The following TBC1D23 variants were observed in gnomAD, a reference collection of about 807,000 sequenced individuals.
The protein encoded by TBC1D23 is HCV non-structural protein 4A-transactivated protein 1.
Under a neutral mutation model 91.4 loss-of-function variants are expected in TBC1D23, and 55 were observed. That is an observed-to-expected ratio of 0.60 (90% CI 0.48 to 0.75). TBC1D23 has a LOEUF of 0.75. Ranked by LOEUF, TBC1D23 falls within the 30% of genes least tolerant of loss-of-function variation. TBC1D23 has a pLI of 0.00. For missense variants in TBC1D23, 725 were observed against 836.1 expected (o/e 0.87, Z 1.64); for synonymous variants, 289 against 281.0 (o/e 1.03, Z -0.28).
At chr3:100,279,433 A>G (rs1576163043) in intron 1 of TBC1D23, 1 of 362,042 alleles carries the variant, frequency 2.8e-6, no homozygotes, top group East Asian at 4.3e-5. Flanking sequence ...CTAGGAAAAG[A>G]CAACCAAACT....
In TBC1D23 at chr3:100,290,641, T is replaced by C. The variant is rs1434281430; in HGVS notation, c.540T>C (p.Pro180=). 6.2e-7 allele frequency: 1 copy of C among 1,613,044 alleles called. No individual in the cohort carries two copies. The highest frequency in any genetic ancestry group is 1.1e-5 in the South Asian group (1 of 91,056). ...GGTTGCTCATCCAATACCATGAGCC[T>C]GAGCTTTGTTCTTATCTTGATACAA... The part of the protein sequence containing the change: ...LFRLLIQYHE[P]ELCSYLDTKK... Residue 180 remains proline (P), a synonymous_variant, in exon 5 of 19, where the codon CCT becomes CCC. Transcript: ENST00000394144.
At chr3:100,279,295 T>C (rs961825667) in intron 1 of TBC1D23, 1 of 168,274 alleles carries the variant, frequency 5.9e-6, no homozygotes, top group Non-Finnish European at 1.3e-5. Flanking sequence ...ACACATAAAA[T>C]GTTTGAAATA....
At chr3:100,314,041 TTGAGGAATGTTATTTTGGAAGAAG>T (rs143383489) in intron 15 of TBC1D23, among the ~76,000 whole-genome samples, 38,031 of 150,238 alleles carry the variant, frequency 0.25, 5,215 homozygotes, top group Non-Finnish European at 0.31. Flanking sequence ...ATTATATTTA[TTGAGGAATGTTATTTTGGAAGAAG>T]TAAATCAACA....
At chr3:100,287,193 A>T (rs867093577) in intron 4 of TBC1D23, among the ~76,000 whole-genome samples, 1 of 151,708 alleles carries the variant, frequency 6.6e-6, no homozygotes, top group Non-Finnish European at 1.5e-5. Context: ...GCTCACTGCC[A>T]CCTCCATCTC....
In TBC1D23 at chr3:100,323,029, A is replaced by G. The variant is rs549673521; in HGVS notation, c.2019-558A>G. 6.6e-5 allele frequency among the ~76,000 whole-genome samples: 10 copies of G among 152,320 alleles called. No individual in the cohort carries two copies. The South Asian group carries it at 1.4e-3, about 22-fold the overall frequency. On this transcript the variant is annotated intron_variant, in intron 18 of 18. Coordinates refer to ENST00000394144, the MANE Select transcript of TBC1D23 (RefSeq NM_001199198.3). ...GTTGATATTTTGCAATAGTTATCATAAGTCTTATCTTTTTTAAATATTTCA... is the reference window on the plus strand; with the variant it reads ...GTTGATATTTTGCAATAGTTATCATGAGTCTTATCTTTTTTAAATATTTCA...
chr3:100,261,396 G>T (rs989388444), intron 1 of TBC1D23: 1 of 397,660 alleles, frequency 2.5e-6, no homozygotes, highest in South Asian at 3.6e-5. Context: ...CTGGCTGTGG[G>T]AGTTGGAGTA....
At chr3:100,278,719 A>G (rs1386821096) in intron 1 of TBC1D23, among the ~76,000 whole-genome samples, 1 of 152,222 alleles carries the variant, frequency 6.6e-6, no homozygotes, top group African/African-American at 2.4e-5. Flanking sequence ...TTCTGGCTAG[A>G]AAACAATGTA....
intron 15 of TBC1D23, 35 bp downstream of exon 15, chr3:100,311,912 T>C (rs1465588176): frequency 1.4e-6 from 2 of 1,431,770 alleles, no homozygotes; most frequent in African/African-American, 2.8e-5. Flanking sequence ...TCTTGAACCA[T>C]CCTTTTCCTT....
At chr3:100,286,209 A>G (rs2067740630) in intron 4 of TBC1D23, among the ~76,000 whole-genome samples, 2 of 152,228 alleles carry the variant, frequency 1.3e-5, no homozygotes, top group South Asian at 2.1e-4. Flanking sequence ...AGGTCTCTCA[A>G]CTGCCTATAT....
At chr3:100,292,961 G>A (rs967608) in intron 5 of TBC1D23, among the ~76,000 whole-genome samples, 77,524 of 151,544 alleles carry the variant, frequency 0.51, 20,308 homozygotes, top group East Asian at 0.58. Context: ...TTTATGTTAA[G>A]GTAGTAAACT....
chr3:100,283,036 C>A (rs1199597956), intron 3 of TBC1D23, among the ~76,000 whole-genome samples: 1 of 152,184 alleles, frequency 6.6e-6, no homozygotes, highest in African/African-American at 2.4e-5. Flanking sequence ...AACTGTTATT[C>A]TTAATTTTCT....
chr3:100,285,902 A>G (rs974956484), intron 4 of TBC1D23, among the ~76,000 whole-genome samples: 1 of 150,456 alleles, frequency 6.6e-6, no homozygotes, highest in African/African-American at 2.4e-5. Flanking sequence ...TACTTTTAAA[A>G]CATACTGGTC....
chr3:100,308,406 C>T (rs1253506614), intron 13 of TBC1D23, among the ~76,000 whole-genome samples: 20 of 151,436 alleles, frequency 1.3e-4, no homozygotes, highest in African/African-American at 2.7e-4. Flanking sequence ...ACCCGGGAGG[C>T]GGAGCTTGCA....
chr3:100,280,239 CAAAAAG>C (rs2067683204), intron 2 of TBC1D23, among the ~76,000 whole-genome samples: 1 of 150,744 alleles, frequency 6.6e-6, no homozygotes, highest in African/African-American at 2.4e-5. Flanking sequence ...AAAAAAAAAA[CAAAAAG>C]AAATGGTGTT....
At position 100,316,130 on chromosome 3, in the gene TBC1D23, C is replaced by A; in HGVS notation, c.1630C>A (p.Pro544Thr). 3 of 1,614,034 alleles carry A rather than the reference C, an allele frequency of 1.9e-6. No individual in the cohort carries two copies. The highest frequency in any genetic ancestry group is 1.3e-5 in the African/African-American group (1 of 75,036). Residue 544 changes from proline to threonine, a missense_variant, in exon 16 of 19, where the codon CCT (proline) becomes ACT (threonine). Coordinates refer to ENST00000394144, the MANE Select transcript of TBC1D23 (RefSeq NM_001199198.3). ...HVSSSDRVGK[P>T]YRGVKPVFSI... ...GAGCAGCAGTGACAGAGTGGGCAAG[C>A]CTTACCGTGGCGTAAAGCCTGTTTT...
At chr3:100,293,259 G>A (rs1576171502) in intron 5 of TBC1D23, among the ~76,000 whole-genome samples, 1 of 152,028 alleles carries the variant, frequency 6.6e-6, no homozygotes, top group East Asian at 1.9e-4. Context: ...TCAGCCTCCC[G>A]AGTAGTTGGC....
At chr3:100,277,436 T>C (rs1373234748) in intron 1 of TBC1D23, among the ~76,000 whole-genome samples, 1 of 152,162 alleles carries the variant, frequency 6.6e-6, no homozygotes, top group Non-Finnish European at 1.5e-5. Context: ...GGAGAGCACA[T>C]TTGTGGTTCC....
intron 15 of TBC1D23, among the ~76,000 whole-genome samples, chr3:100,314,401 G>A (rs964975442): frequency 2.0e-5 from 3 of 151,834 alleles, no homozygotes; most frequent in East Asian, 1.9e-4. Context: ...CACTGTAACC[G>A]GCACAAAAAA....
chr3:100,298,199 A>C (rs1364009260), intron 9 of TBC1D23, among the ~76,000 whole-genome samples, 154 bp downstream of exon 9: 1 of 152,188 alleles, frequency 6.6e-6, no homozygotes, highest in Admixed American at 6.5e-5. Context: ...TTATGTTCAG[A>C]GGGTCATTTT....
Sources: allele counts gnomAD v4.1 joint callset (sites outside exome capture counted in the v4.1 genomes callset), GRCh38; gene constraint gnomAD v4.1.1; transcripts MANE v1.5; gene names NCBI Gene and HGNC (gene_info 2026-07-23, HGNC 2026-07-21).